The following OR2T2 variants were observed in gnomAD, a reference collection of about 807,000 sequenced individuals.
The protein encoded by OR2T2 is olfactory receptor family 2 subfamily T member 2, also known as olfactory receptor 2T2.
For missense variants in OR2T2, 138 were observed against 409.1 expected (o/e 0.34, Z 5.72); for synonymous variants, 50 against 162.7 (o/e 0.31, Z 5.27).
intron 2 of OR2T2, among the ~76,000 whole-genome samples, chr1:248,447,777 C>T (rs1417147694): frequency 1.3e-5 from 2 of 152,076 alleles, no homozygotes; most frequent in African/African-American, 4.8e-5. Context: ...AAGATCCTTT[C>T]AGTCTCTAGC....
exon 3 of OR2T2, chr1:248,454,172 T>C (rs1208579236): frequency 9.9e-6 from 2 of 202,904 alleles, no homozygotes; most frequent in African/African-American, 2.3e-4. Flanking sequence ...CATGTGACCA[T>C]GAGTCCTTCC....
rs1023141400 is a variant in OR2T2, at chr1:248,446,181, T to C, written c.-245-408T>C. Among the ~76,000 whole-genome samples the C allele has an allele frequency of 3.4e-4, 50 of 144,934 alleles. 10 individuals carry two copies. Among genetic ancestry groups the C allele is most frequent in the African/African-American group, 1.3e-3 (47 of 35,622 alleles). On this transcript the variant is annotated intron_variant, in intron 1 of 2. Transcript: ENST00000642130. ...AAATCATGATTTTTTTTTTTCATTT[T>C]AACCTCCTTCCTCTTTTATTGAACC...
At chr1:248,453,710 G>C (rs1341271938) in exon 3 of OR2T2, 2 of 1,588,964 alleles carry the variant, frequency 1.3e-6, no homozygotes, top group Admixed American at 1.7e-5. Context: ...TCTGAGGAAA[G>C]TACTAGGGAG....
intron 2 of OR2T2, among the ~76,000 whole-genome samples, chr1:248,451,793 TATAAAC>T (rs1662806861): frequency 7.0e-6 from 1 of 142,652 alleles, no homozygotes. Context: ...TATTTTTACT[TATAAAC>T]ATGAAGGATC....
At chr1:248,447,753 A>C (rs1662699208) in intron 2 of OR2T2, among the ~76,000 whole-genome samples, 1 of 152,188 alleles carries the variant, frequency 6.6e-6, no homozygotes, top group Non-Finnish European at 1.5e-5. Context: ...TGCTCTTTAA[A>C]AGTTTCATGC....
intron 2 of OR2T2, among the ~76,000 whole-genome samples, chr1:248,450,021 C>A (rs368172807): frequency 0.018 from 2,686 of 148,616 alleles, no homozygotes; most frequent in Non-Finnish European, 0.028. Flanking sequence ...ATGCTCGGAA[C>A]TGATGTAAAC....
At chr1:248,450,638 T>G (rs1483694724) in intron 2 of OR2T2, among the ~76,000 whole-genome samples, 4 of 152,226 alleles carry the variant, frequency 2.6e-5, no homozygotes, top group Non-Finnish European at 5.9e-5. Flanking sequence ...GTTTGTCTCA[T>G]TCTTGCCTAT....
chr1:248,448,430 G>GTA (rs1306728161), intron 2 of OR2T2, among the ~76,000 whole-genome samples: 22 of 64,924 alleles, frequency 3.4e-4, no homozygotes, highest in Admixed American at 1.6e-3. Flanking sequence ...ATAAAATATG[G>GTA]TATATATATA....
exon 3 of OR2T2, chr1:248,454,312 C>T: frequency 2.5e-5 from 1 of 39,984 alleles, no homozygotes; most frequent in Non-Finnish European, 3.8e-5. Context: ...AACGTGTGAT[C>T]GTGAGTCCTT....
At chr1:248,453,615 A>C in exon 3 of OR2T2, 4 of 1,575,874 alleles carry the variant, frequency 2.5e-6, no homozygotes, top group Non-Finnish European at 2.6e-6. Context: ...GAGAAAGATA[A>C]AGTGGTGTCT....
rs747588242 is a variant in OR2T2 at position 248,453,688 on chromosome 1, T to C, written c.891T>C (p.Asp297=). The change falls in exon 3 of 3, where the codon GAT becomes GAC. Residue 297 remains aspartate (D), a synonymous_variant. Transcript: ENST00000642130. ...TCATCTACAGCTTGAGGAATAAAGA[T>C]GTGGCTGCAGCTCTGAGGAAAGTAC... 8 of 1,600,506 alleles carry C rather than the reference T, an allele frequency of 5.0e-6. No individual in the cohort carries two copies. In the South Asian group the frequency reaches 6.7e-5, roughly 13 times the overall value.
chr1:248,448,382 TTA>T (rs1352112017), intron 2 of OR2T2, among the ~76,000 whole-genome samples: 1 of 111,072 alleles, frequency 9.0e-6, no homozygotes, highest in African/African-American at 3.9e-5. Context: ...TGTGCCTAAC[TTA>T]TAAATTCAAC....
chr1:248,447,716 C>T (rs1440733942), intron 2 of OR2T2, among the ~76,000 whole-genome samples: 1 of 152,076 alleles, frequency 6.6e-6, no homozygotes, highest in East Asian at 1.9e-4. Flanking sequence ...TTGTGATCCA[C>T]TATTTTCAAA....
At chr1:248,450,450 C>A (rs559238209) in intron 2 of OR2T2, among the ~76,000 whole-genome samples, 6 of 147,544 alleles carry the variant, frequency 4.1e-5, no homozygotes, top group Admixed American at 2.0e-4. Flanking sequence ...TGGGATCCTA[C>A]AGTAAGATAA....
intron 1 of OR2T2, among the ~76,000 whole-genome samples, chr1:248,446,071 A>T (rs1240835887): frequency 2.1e-5 from 3 of 145,524 alleles, no homozygotes; most frequent in African/African-American, 8.4e-5. Flanking sequence ...ATTTTGTTAA[A>T]ATTTTAATTT....
At chr1:248,449,064 TAAG>T (rs1421190380) in intron 2 of OR2T2, 127 bp from the exon 3 acceptor site, 1 of 146,122 alleles carries the variant, frequency 6.8e-6, no homozygotes, top group Non-Finnish European at 1.5e-5. Flanking sequence ...ATGTGCCCCT[TAAG>T]AATATTGTCA....
intron 1 of OR2T2, among the ~76,000 whole-genome samples, chr1:248,446,228 T>C (rs1662643947): frequency 7.4e-6 from 1 of 134,576 alleles, no homozygotes; most frequent in East Asian, 2.3e-4. Flanking sequence ...CACGTGTGCC[T>C]TAAGATCTTT....
chr1:248,449,581 C>T lies in OR2T2; in HGVS notation c.-23+2770C>T, dbSNP rs1397388110. 1.1e-4 allele frequency among the ~76,000 whole-genome samples: 16 copies of T among 144,594 alleles called. No homozygotes were observed. In the East Asian group the frequency reaches 2.8e-3, roughly 26 times the overall value. The allele number at this position is 144,594 out of a possible 152,430, so 94.9% of individuals were successfully genotyped here. On this transcript the variant is annotated intron_variant, in intron 2 of 2. Coordinates refer to ENST00000642130, the Ensembl canonical transcript of OR2T2. ...TCACTCATCCCTCATCCATCAGCCC[C>T]AAGTGTGCAGATAACAGATGTGGAG...
chr1:248,450,401 A>G (rs1662768641), intron 2 of OR2T2, among the ~76,000 whole-genome samples: 2 of 144,972 alleles, frequency 1.4e-5, no homozygotes, highest in Admixed American at 6.6e-5. Context: ...GGCTAAAATC[A>G]TATCTTTCTC....
Sources: gnomAD v4.1 joint callset for allele counts (sites outside exome capture counted in the v4.1 genomes callset) on GRCh38, gnomAD v4.1.1 for gene constraint, MANE v1.5 for transcripts, NCBI Gene and HGNC (gene_info 2026-07-23, HGNC 2026-07-21) for gene names.